Variants in GRIP1 observed in about 807,000 individuals in gnomAD.
GRIP1 encodes glutamate receptor-interacting protein 1.
Under a neutral mutation model 129.9 loss-of-function variants are expected in GRIP1, and 45 were observed. That is an observed-to-expected ratio of 0.35 (90% CI 0.27 to 0.44). The LOEUF is 0.44. GRIP1 is among the 20% of genes least tolerant of loss of function. The probability of loss-of-function intolerance (pLI) is 1.00; values close to 1 mark genes in which losing one functional copy is unlikely to be tolerated. For synonymous variants in GRIP1, 530 were observed against 520.8 expected (o/e 1.02, Z -0.24); for missense variants, 1,196 against 1,396.8 (o/e 0.86, Z 2.29).
chr12:66,885,000 T>G (rs1225502670), intron 1 of GRIP1, among the ~76,000 whole-genome samples: 1 of 152,204 alleles, frequency 6.6e-6, no homozygotes, highest in Non-Finnish European at 1.5e-5. Flanking sequence ...TTGTAAGAGC[T>G]GGGCACTTAG....
chr12:66,526,259 A>C (rs77302837), intron 5 of GRIP1, among the ~76,000 whole-genome samples: 69,235 of 148,346 alleles, frequency 0.47, 16,440 homozygotes, highest in African/African-American at 0.55. Context: ...GGAGGCATCA[A>C]GCTACCTGAC....
intron 1 of GRIP1, among the ~76,000 whole-genome samples, chr12:66,636,253 G>C (rs2031353530): frequency 6.6e-6 from 1 of 152,162 alleles, no homozygotes; most frequent in Non-Finnish European, 1.5e-5. Context: ...GGGGCTGACA[G>C]GAGAGGGAAC....
intron 1 of GRIP1, among the ~76,000 whole-genome samples, chr12:67,012,652 A>G (rs1010159703): frequency 7.9e-5 from 12 of 152,178 alleles, no homozygotes; most frequent in African/African-American, 2.9e-4. Context: ...GCAAGGTGAG[A>G]CTCAGGACTG....
chr12:66,669,162 C>T (rs796502961), intron 1 of GRIP1, among the ~76,000 whole-genome samples: 5 of 152,182 alleles, frequency 3.3e-5, no homozygotes, highest in African/African-American at 1.2e-4. Context: ...CCTGTAATCC[C>T]AGCACTTTGG....
intron 2 of GRIP1, chr12:66,567,716 C>T (rs1473858356): frequency 4.6e-6 from 1 of 219,584 alleles, no homozygotes; most frequent in African/African-American, 2.3e-5. Flanking sequence ...CATTCCATTC[C>T]CCTTCAGTTG....
intron 1 of GRIP1, among the ~76,000 whole-genome samples, chr12:66,781,678 CAG>C (rs1409448801): frequency 6.6e-6 from 1 of 152,062 alleles, no homozygotes; most frequent in Admixed American, 6.6e-5. Context: ...TTGGTATATC[CAG>C]AGTCTGTCCA....
intron 1 of GRIP1, among the ~76,000 whole-genome samples, chr12:66,811,491 T>C (rs1356436033): frequency 6.7e-6 from 1 of 148,180 alleles, no homozygotes; most frequent in Non-Finnish European, 1.5e-5. Flanking sequence ...TTTAAGGTAA[T>C]TGTGAGACTT....
intron 1 of GRIP1, among the ~76,000 whole-genome samples, chr12:67,039,226 A>G (rs935794123): frequency 6.6e-6 from 1 of 152,174 alleles, no homozygotes; most frequent in African/African-American, 2.4e-5. Flanking sequence ...TGGCAAATAT[A>G]CCACTTAAAT....
rs2054204132 is a variant in GRIP1 at position 66,351,168 on chromosome 12, T to A, written c.3160-1922A>T. Among the ~76,000 whole-genome samples, 3 of 152,314 alleles carry A rather than the reference T, an allele frequency of 2.0e-5. No individual in the cohort carries two copies. The South Asian group carries it at 6.2e-4, about 32-fold the overall frequency. On this transcript the variant is annotated intron_variant, in intron 24 of 24. Coordinates refer to ENST00000359742, the MANE Select transcript of GRIP1 (RefSeq NM_001366722.1). ...ATTGATTCCAAAACTATCAAATTGA[T>A]CAGTGACAACTTGCTTCAGCGAACA...
intron 1 of GRIP1, among the ~76,000 whole-genome samples, chr12:66,809,856 T>C (rs1269754198): frequency 6.6e-6 from 1 of 152,028 alleles, no homozygotes; most frequent in Non-Finnish European, 1.5e-5. Context: ...CAGACAGGGT[T>C]TCACCATCTG....
At chr12:66,958,125 A>G (rs2041869834) in intron 1 of GRIP1, among the ~76,000 whole-genome samples, 1 of 152,034 alleles carries the variant, frequency 6.6e-6, no homozygotes, top group Admixed American at 6.6e-5. Flanking sequence ...AATGAAATAC[A>G]TGGATTTTGC....
At position 66,673,533 on chromosome 12, in the gene GRIP1, T is replaced by C. The variant is rs11176372; in HGVS notation, c.55+5317A>G. On this transcript the variant is annotated intron_variant, in intron 1 of 24. Transcript: ENST00000359742. ...TTTCCTCTGGAGGATGGGTACCTCC[T>C]GGAACGAGGTAAAGTATTTCTAGCA... Among the ~76,000 whole-genome samples, 394 of 152,282 alleles carry C rather than the reference T, an allele frequency of 2.6e-3. 13 individuals are homozygous for C. The East Asian group carries it at 0.064, about 25-fold the overall frequency.
intron 1 of GRIP1, among the ~76,000 whole-genome samples, chr12:66,847,906 T>G (rs2137069421): frequency 6.6e-6 from 1 of 152,324 alleles, no homozygotes; most frequent in Non-Finnish European, 1.5e-5. Flanking sequence ...TTCCTTTTTG[T>G]TGGCACATTA....
chr12:66,647,214 C>T (rs1466373782), intron 1 of GRIP1: 1 of 152,072 alleles, frequency 6.6e-6, no homozygotes, highest in African/African-American at 2.4e-5. Context: ...AATTGGGTGC[C>T]GAGGTTCTGT....
intron 1 of GRIP1, among the ~76,000 whole-genome samples, chr12:67,062,446 C>T (rs1174956500): frequency 6.6e-5 from 10 of 152,174 alleles, no homozygotes. Flanking sequence ...TCTATCCCCT[C>T]CCAACTCTCT....
chr12:66,462,822 A>G (rs986360878), intron 9 of GRIP1, 102 bp downstream of exon 9: 1 of 702,874 alleles, frequency 1.4e-6, no homozygotes, highest in Non-Finnish European at 2.4e-6. Flanking sequence ...AAAAAAAAAA[A>G]AGGCAGAATG....
At chr12:66,924,449 C>T (rs558108937) in intron 1 of GRIP1, among the ~76,000 whole-genome samples, 1 of 152,144 alleles carries the variant, frequency 6.6e-6, no homozygotes, top group Non-Finnish European at 1.5e-5. Flanking sequence ...GTGCAACTTC[C>T]TTAGAGTCAC....
intron 2 of GRIP1, among the ~76,000 whole-genome samples, chr12:66,571,509 T>C (rs2062959103): frequency 6.6e-6 from 1 of 152,184 alleles, no homozygotes; most frequent in Admixed American, 6.5e-5. Flanking sequence ...TATTTTCCTT[T>C]CACAGATTCA....
intron 23 of GRIP1, among the ~76,000 whole-genome samples, chr12:66,359,910 G>A (rs2054667622): frequency 6.6e-6 from 1 of 152,142 alleles, no homozygotes; most frequent in Admixed American, 6.5e-5. Flanking sequence ...TTTACTTCCT[G>A]TGCAAAAATA....
Sources: allele counts gnomAD v4.1 joint callset (sites outside exome capture counted in the v4.1 genomes callset), GRCh38; gene constraint gnomAD v4.1.1; transcripts MANE v1.5; gene names NCBI Gene and HGNC (gene_info 2026-07-23, HGNC 2026-07-21).